KIAA1217: variants seen among roughly 807,000 people sequenced by gnomAD.
The protein encoded by KIAA1217 is KIAA1217.
A neutral mutation model predicts 163.9 loss-of-function variants in KIAA1217; 88 were observed. The observed-to-expected ratio is 0.54, with a 90% CI of 0.45 to 0.64. KIAA1217 has a LOEUF of 0.64. KIAA1217 is among the 30% of genes least tolerant of loss of function. The pLI is 0.00. For missense variants in KIAA1217, 2,372 were observed against 2,475.0 expected (o/e 0.96, Z 0.88); for synonymous variants, 903 against 923.1 (o/e 0.98, Z 0.39).
intron 10 of KIAA1217, among the ~76,000 whole-genome samples, chr10:24,517,430 G>A (rs2070369558): frequency 1.3e-5 from 2 of 152,042 alleles, no homozygotes; most frequent in East Asian, 1.9e-4. Context: ...CAAATTATAT[G>A]TACTAAATTA....
chr10:24,176,691 G>A lies in KIAA1217; in HGVS notation c.-170-42935G>A, dbSNP rs748858412. 1.1e-3 allele frequency among the ~76,000 whole-genome samples: 162 copies of A among 152,344 alleles called. 1 individual carries two copies. Among genetic ancestry groups the A allele is most frequent in the South Asian group, 1.9e-3 (9 of 4,830 alleles). ...CTAGTGGGTCCTACACCAGAGCCGC[G>A]GGCAGAGCTGCCTGCCAGTACTGTG... On this transcript the variant is annotated intron_variant, in intron 2 of 18. Transcript: ENST00000376462.
At chr10:24,142,271 A>G (rs1369220308) in intron 2 of KIAA1217, among the ~76,000 whole-genome samples, 1 of 152,236 alleles carries the variant, frequency 6.6e-6, no homozygotes, top group African/African-American at 2.4e-5. Context: ...TAGTGAATCG[A>G]GTATCAATTT....
chr10:24,142,750 C>G (rs932410425), intron 2 of KIAA1217, among the ~76,000 whole-genome samples: 4 of 152,188 alleles, frequency 2.6e-5, no homozygotes, highest in Non-Finnish European at 4.4e-5. Context: ...CCTGGCCTCC[C>G]TTGGAGTCAT....
At chr10:24,047,158 A>G (rs1466539187) in intron 2 of KIAA1217, among the ~76,000 whole-genome samples, 1 of 152,230 alleles carries the variant, frequency 6.6e-6, no homozygotes, top group Non-Finnish European at 1.5e-5. Context: ...CATTGTCTAT[A>G]GGGCCTTGCT....
In KIAA1217 at chr10:23,806,645, T is replaced by C. The variant is rs536983235; in HGVS notation, c.-321+111411T>C. Among the ~76,000 whole-genome samples the C allele has an allele frequency of 7.2e-5, 11 of 152,374 alleles. No individual in the cohort carries two copies. In the South Asian group the frequency reaches 1.4e-3, roughly 20 times the overall value. On this transcript the variant is annotated intron_variant, in intron 1 of 18. Coordinates refer to the KIAA1217 transcript ENST00000376462. ...TTTCCTCTGTCATCTCTTCTAGGAA[T>C]AATGATTTTTTGCTAGCCTAGTTGA... is the stretch of plus-strand genomic sequence containing the variant.
intron 6 of KIAA1217, among the ~76,000 whole-genome samples, chr10:24,491,957 CTTTGCA>C (rs1424090655): frequency 1.3e-5 from 2 of 151,804 alleles, no homozygotes; most frequent in Non-Finnish European, 2.9e-5. Context: ...AAGGAATATC[CTTTGCA>C]TTTGCCTAGG....
rs890233437 is a variant in KIAA1217, at chr10:23,809,746, G to GA, written c.-321+114518dup. Among the ~76,000 whole-genome samples the GA allele has an allele frequency of 8.6e-5, 13 of 151,924 alleles. 1 individual carries two copies. The highest frequency in any genetic ancestry group is 2.1e-4 in the South Asian group (1 of 4,810). On this transcript the variant is annotated intron_variant, in intron 1 of 18. Transcript: ENST00000376462. Reference sequence around the variant, plus strand: ...GCAACAATTAAAAATAAATTTTAAAGAAAAAATCACTTACAATAGTATCAA... The same window carrying GA: ...GCAACAATTAAAAATAAATTTTAAAGAAAAAAATCACTTACAATAGTATCAA...
rs1431899921 is a variant in KIAA1217, at chr10:24,495,094, A to AAG, written c.1785-52_1785-51insGA. The AAG allele has an allele frequency of 2.4e-5, 37 of 1,520,556 alleles. No individual in the cohort carries two copies. In the South Asian group the frequency reaches 2.6e-4, roughly 11 times the overall value. 94.2% of individuals were successfully genotyped at this position (1,520,556 alleles called of 1,614,324 possible). A position where few individuals can be genotyped will look rare whatever the true frequency, so the allele number is the denominator to read the frequency against. On this transcript the variant is annotated intron_variant, in intron 7 of 20. Coordinates refer to ENST00000376454, the MANE Select transcript of KIAA1217 (RefSeq NM_019590.5). ...TGGATGGAATGGGCTTTAAAAAAAA[A>AAG]AAAAAAGGCATTTTGGAAACTGCAT...
intron 2 of KIAA1217, among the ~76,000 whole-genome samples, chr10:24,007,773 T>C (rs925048685): frequency 2.0e-5 from 3 of 151,996 alleles, no homozygotes; most frequent in African/African-American, 7.3e-5. Context: ...ACCTGATGAC[T>C]GCCTGTGTCT....
chr10:24,069,720 C>T (rs1259175573), intron 2 of KIAA1217, among the ~76,000 whole-genome samples: 1 of 152,174 alleles, frequency 6.6e-6, no homozygotes, highest in African/African-American at 2.4e-5. Flanking sequence ...GGAATTAATT[C>T]ATTTATTGCT....
rs1380539978 is a variant in KIAA1217 at position 23,869,123 on chromosome 10, A to G, written c.-320-138102A>G. Reference sequence around the variant, plus strand: ...AGTGTAACGTGCAATCATGAAATGTAGTTTTTTTTTTTTTTTTTTTTTTTT... The same window carrying G: ...AGTGTAACGTGCAATCATGAAATGTGGTTTTTTTTTTTTTTTTTTTTTTTT... On this transcript the variant is annotated intron_variant, in intron 1 of 18. Coordinates refer to the KIAA1217 transcript ENST00000376462. Among the ~76,000 whole-genome samples, 3 of 68,316 alleles carry G rather than the reference A, an allele frequency of 4.4e-5. No homozygotes were observed. In the South Asian group the frequency reaches 1.3e-3, roughly 29 times the overall value. The allele number at this position is 68,316 out of a possible 152,430, so 44.8% of individuals were successfully genotyped here. A position where few individuals can be genotyped will look rare whatever the true frequency, so the allele number is the denominator to read the frequency against.
chr10:23,922,472 G>A (rs1031658558), intron 1 of KIAA1217, among the ~76,000 whole-genome samples: 5 of 152,158 alleles, frequency 3.3e-5, no homozygotes, highest in African/African-American at 1.2e-4. Flanking sequence ...CCTAAGTCTG[G>A]GTGACATGGG....
At chr10:24,545,299 A>C (rs2075611120) in intron 20 of KIAA1217, 196 bp downstream of exon 20, 1 of 1,408,284 alleles carries the variant, frequency 7.1e-7, no homozygotes, top group African/African-American at 1.4e-5. Context: ...TTGCAATAAA[A>C]CATCTTTTAC....
At chr10:24,528,881 A>G (rs2072656966) in intron 14 of KIAA1217, among the ~76,000 whole-genome samples, 1 of 152,172 alleles carries the variant, frequency 6.6e-6, no homozygotes, top group African/African-American at 2.4e-5. Flanking sequence ...TTTAATCAAA[A>G]TTATTAGAAT....
intron 2 of KIAA1217, among the ~76,000 whole-genome samples, chr10:24,360,291 A>C (rs915733010): frequency 6.6e-6 from 1 of 151,940 alleles, no homozygotes; most frequent in Non-Finnish European, 1.5e-5. Flanking sequence ...CAAGTGATCC[A>C]CCCACCTTTG....
intron 2 of KIAA1217, among the ~76,000 whole-genome samples, chr10:24,060,344 A>G (rs1202028241): frequency 2.6e-5 from 4 of 152,040 alleles, no homozygotes; most frequent in African/African-American, 4.8e-5. Flanking sequence ...TGGTTGCAAG[A>G]TATTTTCTGA....
At chr10:24,107,919 G>GA (rs948230470) in intron 2 of KIAA1217, among the ~76,000 whole-genome samples, 2 of 152,024 alleles carry the variant, frequency 1.3e-5, no homozygotes, top group Non-Finnish European at 2.9e-5. Flanking sequence ...AAGTGAAGCA[G>GA]AAAAAAAATG....
intron 3 of KIAA1217, among the ~76,000 whole-genome samples, chr10:24,427,773 G>C (rs953840374): frequency 6.6e-6 from 1 of 152,186 alleles, no homozygotes; most frequent in African/African-American, 2.4e-5. Context: ...CTGTGCCAAA[G>C]CATGCGGAAT....
chr10:23,836,489 TC>T (rs1838456690), intron 1 of KIAA1217, among the ~76,000 whole-genome samples: 2 of 149,770 alleles, frequency 1.3e-5, no homozygotes, highest in African/African-American at 4.9e-5. Context: ...AATACCTTGA[TC>T]TGGGACTTCT....
Sources: allele counts gnomAD v4.1 joint callset (sites outside exome capture counted in the v4.1 genomes callset), GRCh38; gene constraint gnomAD v4.1.1; transcripts MANE v1.5; gene names NCBI Gene and HGNC (gene_info 2026-07-23, HGNC 2026-07-21).